COL28A1: variants seen among roughly 807,000 people sequenced by gnomAD.
COL28A1 encodes the protein collagen alpha-1(XXVIII) chain.
In COL28A1, 161 loss-of-function variants were observed where a neutral mutation model predicts 150.2. The ratio of observed to expected loss-of-function variants is 1.07; its 90% CI spans 0.94 to 1.22. The LOEUF is 1.22. COL28A1 is among the 50% of genes most tolerant of loss of function. The pLI, the probability that COL28A1 is intolerant of heterozygous loss-of-function variation, is 0.00. For synonymous variants in COL28A1, 552 were observed against 469.7 expected, an observed-to-expected ratio of 1.18 and a Z score of -2.26; for missense variants, 1,617 against 1,388.3, an observed-to-expected ratio of 1.16 and a Z score of -2.62.
chr7:7,391,801 C>CTTT (rs33991942), intron 27 of COL28A1, among the ~76,000 whole-genome samples: 5 of 115,856 alleles, frequency 4.3e-5, no homozygotes, highest in Non-Finnish European at 7.1e-5. Flanking sequence ...GCAACCCCTG[C>CTTT]TTTTTTTTTT....
intron 30 of COL28A1, among the ~76,000 whole-genome samples, chr7:7,376,053 T>G (rs1226075514): frequency 6.6e-6 from 1 of 152,172 alleles, no homozygotes; most frequent in Admixed American, 6.5e-5. Context: ...CTGTGACATT[T>G]CCCCATGTTC....
chr7:7,472,119 G>C (rs1452601612), intron 15 of COL28A1, among the ~76,000 whole-genome samples: 2 of 152,132 alleles, frequency 1.3e-5, no homozygotes, highest in African/African-American at 4.8e-5. Flanking sequence ...AACAAGACAA[G>C]GATGCCCACT....
In COL28A1 at chr7:7,381,532, T is replaced by C. The variant is rs377230561; in HGVS notation, c.2205+12A>G. 8.7e-5 allele frequency: 140 copies of C among 1,605,830 alleles called. No individual in the cohort carries two copies. Among genetic ancestry groups the C allele is most frequent in the Non-Finnish European group, 1.2e-4 (136 of 1,173,030 alleles). On this transcript the variant is annotated intron_variant, in intron 28 of 34. Coordinates refer to ENST00000399429, the MANE Select transcript of COL28A1 (RefSeq NM_001037763.3). Reference sequence around the variant, plus strand: ...AAGCCTAAGCATTTCTCTAAGATCCTGAGACACTTACCTTCTGGCCTGGGA... The same window carrying C: ...AAGCCTAAGCATTTCTCTAAGATCCCGAGACACTTACCTTCTGGCCTGGGA...
chr7:7,406,617 G>C (rs1032772809), intron 27 of COL28A1, among the ~76,000 whole-genome samples: 1 of 152,126 alleles, frequency 6.6e-6, no homozygotes, highest in Non-Finnish European at 1.5e-5. Context: ...TGTGGTCAAG[G>C]GTGGTCTCTC....
chr7:7,541,178 T>C, the COL28A1 span, among the ~76,000 whole-genome samples: 1 of 152,184 alleles, frequency 6.6e-6, no homozygotes, highest in Non-Finnish European at 1.5e-5. Context: ...AATAGGGTCA[T>C]CTGTTTTTTT....
At chr7:7,472,719 C>A (rs1009518547) in intron 15 of COL28A1, among the ~76,000 whole-genome samples, 1 of 152,134 alleles carries the variant, frequency 6.6e-6, no homozygotes, top group Non-Finnish European at 1.5e-5. Flanking sequence ...ATAGCCAAAG[C>A]AAGACTAAGC....
At chr7:7,378,521 A>G (rs1225423480) in intron 30 of COL28A1, among the ~76,000 whole-genome samples, 1 of 152,186 alleles carries the variant, frequency 6.6e-6, no homozygotes, top group African/African-American at 2.4e-5. Flanking sequence ...CATCAATGGC[A>G]TTTGCCTCTT....
At chr7:7,388,964 A>T (rs969580000) in intron 27 of COL28A1, among the ~76,000 whole-genome samples, 1 of 152,044 alleles carries the variant, frequency 6.6e-6, no homozygotes, top group African/African-American at 2.4e-5. Flanking sequence ...CACTCTGATG[A>T]TAGTTTCTTT....
chr7:7,500,769 T>G (rs1232556626), intron 11 of COL28A1, among the ~76,000 whole-genome samples: 2 of 152,186 alleles, frequency 1.3e-5, no homozygotes, highest in African/African-American at 4.8e-5. Flanking sequence ...AATCTCCTCA[T>G]TAGTATATCA....
chr7:7,424,102 T>A (rs1043120003), intron 25 of COL28A1, among the ~76,000 whole-genome samples: 2 of 152,216 alleles, frequency 1.3e-5, no homozygotes, highest in African/African-American at 4.8e-5. Flanking sequence ...TAATGACTTA[T>A]AGCAATGCTT....
chr7:7,360,507 C>A lies in COL28A1; in HGVS notation c.3088G>T (p.Asp1030Tyr), dbSNP rs750665502. ...SESLSVTRDQ[D>Y]EDDKAPEPTW... is the part of the protein sequence containing the mutation. ...GGCTCTGGAGCCTTATCATCTTCAT[C>A]CTGGTCTCTGGTGACACTCAACTAC... is the stretch of plus-strand genomic sequence containing the variant. Residue 1030 changes from aspartate to tyrosine, a missense_variant, in exon 34 of 35, where the codon GAT (aspartate) becomes TAT (tyrosine). Asp to Tyr is a radical substitution (Grantham distance 160, BLOSUM62 -3). Transcript: ENST00000399429. 2 of 1,604,658 alleles carry A rather than the reference C, an allele frequency of 1.2e-6. No individual in the cohort carries two copies. The highest frequency in any genetic ancestry group is 4.5e-5 in the East Asian group (2 of 44,322).
At chr7:7,393,855 C>T (rs1782687087) in intron 27 of COL28A1, among the ~76,000 whole-genome samples, 1 of 152,166 alleles carries the variant, frequency 6.6e-6, no homozygotes, top group South Asian at 2.1e-4. Flanking sequence ...TGGATCTTAG[C>T]TTGCTAGGCT....
intron 25 of COL28A1, 51 bp from the exon 26 acceptor site, chr7:7,420,004 T>A: frequency 8.5e-7 from 1 of 1,182,492 alleles, no homozygotes; most frequent in Non-Finnish European, 1.2e-6. Flanking sequence ...AGACTTTATG[T>A]TTTTTTCAAT....
At chr7:7,339,298 T>G in the COL28A1 span, among the ~76,000 whole-genome samples, 3 of 152,162 alleles carry the variant, frequency 2.0e-5, no homozygotes, top group Non-Finnish European at 4.4e-5. Flanking sequence ...TACTTCCTAT[T>G]CACTCCCTTA....
chr7:7,384,725 C>T (rs1028610037), intron 27 of COL28A1, among the ~76,000 whole-genome samples: 1 of 152,124 alleles, frequency 6.6e-6, no homozygotes, highest in South Asian at 2.1e-4. Flanking sequence ...AATCTTTTCC[C>T]ACCAGGAAAC....
chr7:7,471,449 A>T (rs1788420950), intron 15 of COL28A1, among the ~76,000 whole-genome samples: 1 of 152,232 alleles, frequency 6.6e-6, no homozygotes, highest in African/African-American at 2.4e-5. Context: ...TCCCTCATGA[A>T]CATATATGCT....
chr7:7,376,341 C>G (rs1335385773), intron 30 of COL28A1, among the ~76,000 whole-genome samples: 1 of 152,162 alleles, frequency 6.6e-6, no homozygotes, highest in Non-Finnish European at 1.5e-5. Context: ...AAGAACAAAT[C>G]TATAATGTCA....
intron 9 of COL28A1, among the ~76,000 whole-genome samples, chr7:7,510,277 T>A (rs904246904): frequency 4.6e-5 from 7 of 151,916 alleles, no homozygotes; most frequent in Non-Finnish European, 8.8e-5. Context: ...CTTTCATTAT[T>A]GATTGATTGA....
At chr7:7,472,662 A>T (rs1178524192) in intron 15 of COL28A1, among the ~76,000 whole-genome samples, 1 of 152,210 alleles carries the variant, frequency 6.6e-6, no homozygotes, top group Non-Finnish European at 1.5e-5. Context: ...TCACAGAATT[A>T]GACAAAAACA....
Sources: allele counts gnomAD v4.1 joint callset (sites outside exome capture counted in the v4.1 genomes callset), GRCh38; gene constraint gnomAD v4.1.1; transcripts MANE v1.5; gene names NCBI Gene and HGNC (gene_info 2026-07-23, HGNC 2026-07-21).